Variants in EDA observed in about 807,000 individuals in gnomAD.
EDA encodes the protein ectodysplasin-A.
A neutral mutation model predicts 23.6 loss-of-function variants in EDA; 2 were observed. The observed-to-expected ratio is 0.08, with a 90% CI of 0.03 to 0.27. EDA has a LOEUF of 0.27. Ranked by LOEUF, EDA falls within the 10% of genes least tolerant of loss-of-function variation. The pLI, the probability that EDA is intolerant of heterozygous loss-of-function variation, is 1.00. For synonymous variants in EDA, 131 were observed against 132.0 expected (o/e 0.99, Z 0.05); for missense variants, 229 against 324.2 (o/e 0.71, Z 2.26).
At chrX:69,899,102 T>A (rs1318319588) in intron 1 of EDA, among the ~76,000 whole-genome samples, 1 of 112,260 alleles carries the variant, frequency 8.9e-6, no homozygotes, top group Admixed American at 9.5e-5. Context: ...ATGGTTCTTT[T>A]AATGTGAGAT....
chrX:69,718,611 AT>A (rs1180647943), intron 1 of EDA, among the ~76,000 whole-genome samples: 1 of 110,982 alleles, frequency 9.0e-6, no homozygotes, highest in African/African-American at 3.3e-5. Context: ...TGATTTTTGA[AT>A]GTTAAGCCAG....
At chrX:69,657,351 TA>T (rs761766097) in intron 1 of EDA, among the ~76,000 whole-genome samples, 64 of 112,399 alleles carry the variant, frequency 5.7e-4, no homozygotes, top group African/African-American at 1.9e-3. Flanking sequence ...TTTCTTTTCT[TA>T]AATTCCTTAT....
At chrX:69,902,798 G>A (rs901741079) in intron 1 of EDA, among the ~76,000 whole-genome samples, 1 of 111,379 alleles carries the variant, frequency 9.0e-6, no homozygotes, top group African/African-American at 3.3e-5. Context: ...GTAATTACTG[G>A]AGCTGGTAAC....
chrX:69,975,404 A>C (rs2147444046), intron 2 of EDA, among the ~76,000 whole-genome samples: 1 of 111,306 alleles, frequency 9.0e-6, no homozygotes, highest in South Asian at 3.8e-4. Flanking sequence ...TGTAAGTGGG[A>C]GCTAAACATC....
intron 1 of EDA, among the ~76,000 whole-genome samples, chrX:69,750,595 C>G (rs2013806321): frequency 9.0e-6 from 1 of 111,265 alleles, no homozygotes; most frequent in African/African-American, 3.3e-5. Context: ...GAGGAATCTC[C>G]ACACTGTCTT....
intron 1 of EDA, among the ~76,000 whole-genome samples, chrX:69,892,312 A>C (rs2017946057): frequency 8.9e-6 from 1 of 112,073 alleles, no homozygotes; most frequent in Non-Finnish European, 1.9e-5. Flanking sequence ...TTTCATACCC[A>C]ATAAAGCTTT....
intron 1 of EDA, among the ~76,000 whole-genome samples, chrX:69,677,818 T>G (rs1379174654): frequency 5.4e-5 from 6 of 111,983 alleles, no homozygotes; most frequent in African/African-American, 1.9e-4. Context: ...TGCAGCTCTT[T>G]AGTTTAATTA....
At chrX:69,791,359 C>A (rs936380512) in intron 1 of EDA, among the ~76,000 whole-genome samples, 12 of 111,262 alleles carry the variant, frequency 1.1e-4, no homozygotes, top group African/African-American at 3.9e-4. Context: ...TTTATGGGAA[C>A]CACATTATTA....
chrX:70,017,335 AG>A (rs1249020416), intron 2 of EDA, among the ~76,000 whole-genome samples: 3 of 112,080 alleles, frequency 2.7e-5, no homozygotes, highest in Non-Finnish European at 5.6e-5. Context: ...GTTGAGGAGG[AG>A]GGGCTTCCCC....
intron 2 of EDA, among the ~76,000 whole-genome samples, chrX:69,979,531 T>C (rs2019372256): frequency 1.8e-5 from 2 of 112,025 alleles, no homozygotes; most frequent in South Asian, 7.5e-4. Context: ...AGGGTTCTAA[T>C]TTGTTTGTCT....
At chrX:69,776,670 C>T (rs181882253) in intron 1 of EDA, among the ~76,000 whole-genome samples, 33 of 111,181 alleles carry the variant, frequency 3.0e-4, no homozygotes, top group African/African-American at 8.5e-4. Flanking sequence ...GAGCTGTGGC[C>T]TTCCTAATCA....
At chrX:69,880,128 G>A (rs917301147) in intron 1 of EDA, among the ~76,000 whole-genome samples, 7 of 111,736 alleles carry the variant, frequency 6.3e-5, no homozygotes, top group African/African-American at 2.3e-4. Flanking sequence ...AACGAACATG[G>A]GTTCAGAGGA....
intron 1 of EDA, among the ~76,000 whole-genome samples, chrX:69,841,676 T>C (rs934817447): frequency 1.8e-5 from 2 of 112,069 alleles, no homozygotes; most frequent in African/African-American, 6.5e-5. Context: ...TCAGGCAGAA[T>C]AATTCTACTT....
At chrX:69,809,843 C>T (rs1353838414) in intron 1 of EDA, among the ~76,000 whole-genome samples, 1 of 111,118 alleles carries the variant, frequency 9.0e-6, no homozygotes, top group Admixed American at 9.6e-5. Flanking sequence ...TGTAGAGGCA[C>T]AAAAGCTAAT....
chrX:69,815,095 A>G (rs998594137), intron 1 of EDA, among the ~76,000 whole-genome samples: 2 of 111,999 alleles, frequency 1.8e-5, no homozygotes, highest in Non-Finnish European at 3.8e-5. Context: ...GTTAAGACCC[A>G]CAGGTTTGGA....
chrX:69,810,687 C>T (rs1442128448), intron 1 of EDA, among the ~76,000 whole-genome samples: 2 of 104,552 alleles, frequency 1.9e-5, no homozygotes, highest in African/African-American at 3.6e-5. Context: ...ACCCAGGAGG[C>T]GGAGGTTGCA....
chrX:69,672,619 C>T (rs111775254), intron 1 of EDA: 8,905 of 111,675 alleles, frequency 0.08, 396 homozygotes, highest in Middle Eastern at 0.23. Flanking sequence ...TGGTGGCTCA[C>T]GCCTGTAATG....
At chrX:69,796,513 G>A (rs763282396) in intron 1 of EDA, among the ~76,000 whole-genome samples, 1 of 111,911 alleles carries the variant, frequency 8.9e-6, no homozygotes. Context: ...TGCTGCACAC[G>A]CCCAGAATCA....
chrX:69,810,904 A>G (rs1423513452), intron 1 of EDA, among the ~76,000 whole-genome samples: 2 of 111,803 alleles, frequency 1.8e-5, no homozygotes, highest in Non-Finnish European at 3.8e-5. Flanking sequence ...TCCTCTGGAC[A>G]TTTAAAAGGA....
Sources: allele counts gnomAD v4.1 joint callset (sites outside exome capture counted in the v4.1 genomes callset), GRCh38; gene constraint gnomAD v4.1.1; transcripts MANE v1.5; gene names NCBI Gene and HGNC (gene_info 2026-07-23, HGNC 2026-07-21).